The following DIAPH2 variants were observed in gnomAD, a reference collection of about 807,000 sequenced individuals.
DIAPH2 encodes the protein diaphanous related formin 2.
Under a neutral mutation model 92.7 loss-of-function variants are expected in DIAPH2, and 35 were observed. That is an observed-to-expected ratio of 0.38 (90% CI 0.29 to 0.50). The LOEUF (loss-of-function observed/expected upper bound fraction) is 0.50. Ranked by LOEUF, DIAPH2 falls within the 20% of genes least tolerant of loss-of-function variation. The pLI is 0.94. For missense variants in DIAPH2, 701 were observed against 819.5 expected, an observed-to-expected ratio of 0.86 and a Z score of 1.77; for synonymous variants, 301 against 280.4, an observed-to-expected ratio of 1.07 and a Z score of -0.73.
rs1569426187 is a variant in DIAPH2, at chrX:97,570,110, AT to A, written c.3242-29142del. On this transcript the variant is annotated intron_variant, in intron 26 of 26. Transcript: ENST00000324765. ...TATATATATATATATATATATATAT[AT>A]ATATATATATATTAGAAGATAGATA... Among the ~76,000 whole-genome samples, 210 of 32,691 alleles carry A rather than the reference AT, an allele frequency of 6.4e-3. 4 individuals are homozygous for A. Among genetic ancestry groups the A allele is most frequent in the African/African-American group, 0.018 (198 of 10,773 alleles). 28.4% of individuals were successfully genotyped at this position (32,691 alleles called of 115,157 possible). A position where few individuals can be genotyped will look rare whatever the true frequency, so the allele number is the denominator to read the frequency against.
intron 26 of DIAPH2, among the ~76,000 whole-genome samples, chrX:97,587,727 A>T (rs2071488399): frequency 8.9e-6 from 1 of 112,136 alleles, no homozygotes; most frequent in Non-Finnish European, 1.9e-5. Context: ...GTGTAATATG[A>T]TCGTGATGCT....
At chrX:97,157,678 C>G (rs1602381211) in intron 22 of DIAPH2, among the ~76,000 whole-genome samples, 2 of 111,469 alleles carry the variant, frequency 1.8e-5, no homozygotes, top group Middle Eastern at 9.2e-3. Context: ...ACCTTGAATT[C>G]TTTCTTGCGC....
At chrX:97,111,865 T>A (rs762453382) in intron 20 of DIAPH2, among the ~76,000 whole-genome samples, 1 of 112,351 alleles carries the variant, frequency 8.9e-6, no homozygotes, top group Non-Finnish European at 1.9e-5. Flanking sequence ...TTACTATTTG[T>A]TTCACTTTTC....
chrX:96,945,443 A>G (rs2065732354), intron 13 of DIAPH2, 84 bp from the exon 14 acceptor site: 6 of 620,228 alleles, frequency 9.7e-6, no homozygotes, highest in Admixed American at 3.7e-5. Flanking sequence ...GATAGTCTGC[A>G]TTGCAGAGTT....
At chrX:97,439,701 C>T (rs1365026265) in intron 26 of DIAPH2, among the ~76,000 whole-genome samples, 5 of 99,789 alleles carry the variant, frequency 5.0e-5, no homozygotes, top group East Asian at 3.2e-4. Context: ...GAGCTGTGAT[C>T]GTGCCACTGC....
At chrX:96,906,277 C>G (rs2065433628) in intron 5 of DIAPH2, among the ~76,000 whole-genome samples, 1 of 112,458 alleles carries the variant, frequency 8.9e-6, no homozygotes, top group Admixed American at 9.4e-5. Flanking sequence ...TATTTTTAAA[C>G]AAGTCAATAG....
chrX:96,695,626 A>C (rs188907439), intron 1 of DIAPH2, among the ~76,000 whole-genome samples: 2 of 111,929 alleles, frequency 1.8e-5, no homozygotes, highest in South Asian at 7.5e-4. Context: ...CATTCTTCCT[A>C]TGGGTTCTGT....
At chrX:97,129,146 C>CTTTTCTTTTCTTTTCTTTTCT (rs113199689) in intron 21 of DIAPH2, among the ~76,000 whole-genome samples, 5 of 36,557 alleles carry the variant, frequency 1.4e-4, no homozygotes, top group African/African-American at 5.0e-4. Flanking sequence ...CTTTTCTTTT[C>CTTTTCTTTTCTTTTCTTTTCT]TTTCTTTTCT....
At chrX:97,549,289 A>G (rs2071203012) in intron 26 of DIAPH2, among the ~76,000 whole-genome samples, 1 of 111,555 alleles carries the variant, frequency 9.0e-6, no homozygotes, top group African/African-American at 3.3e-5. Flanking sequence ...TAAATTTGGG[A>G]GTAATCTAAC....
chrX:97,363,255 T>C (rs1170044613), intron 24 of DIAPH2, among the ~76,000 whole-genome samples: 1 of 112,199 alleles, frequency 8.9e-6, no homozygotes, highest in Non-Finnish European at 1.9e-5. Flanking sequence ...ATCTGTCCTT[T>C]TCCTAATGCC....
chrX:96,991,059 A>G (rs2066066236), intron 17 of DIAPH2, among the ~76,000 whole-genome samples: 1 of 111,134 alleles, frequency 9.0e-6, no homozygotes, highest in Admixed American at 9.6e-5. Context: ...ATTGTCTTAC[A>G]TGCATCAACT....
At chrX:96,806,646 C>CAAAAAAAAAAA (rs1234663626) in intron 4 of DIAPH2, among the ~76,000 whole-genome samples, 1,866 of 34,262 alleles carry the variant, frequency 0.054, 102 homozygotes, top group East Asian at 0.18. Flanking sequence ...AACTCCATCT[C>CAAAAAAAAAAA]AAAAAAAAAA....
At chrX:96,908,367 C>T (rs2065446903) in intron 5 of DIAPH2, among the ~76,000 whole-genome samples, 1 of 110,525 alleles carries the variant, frequency 9.0e-6, no homozygotes, top group Non-Finnish European at 1.9e-5. Flanking sequence ...TGTTCTATGT[C>T]CCTCATAAAT....
At chrX:97,087,888 C>G (rs2066794705) in intron 19 of DIAPH2, among the ~76,000 whole-genome samples, 1 of 110,102 alleles carries the variant, frequency 9.1e-6, no homozygotes, top group South Asian at 3.8e-4. Flanking sequence ...TTTTTTCATC[C>G]CCTCTCTCTT....
intron 5 of DIAPH2, chrX:96,884,383 C>G: frequency 8.3e-7 from 1 of 1,210,582 alleles, no homozygotes; most frequent in Non-Finnish European, 1.1e-6. Context: ...CAGTGACCAA[C>G]TGTGTGAGAG....
rs185762826 is a variant in DIAPH2 at position 96,874,126 on chromosome X, G to C, written c.448-7453G>C. Among the ~76,000 whole-genome samples, 675 of 111,595 alleles carry C rather than the reference G, an allele frequency of 6.0e-3. 11 individuals carry two copies. The highest frequency in any genetic ancestry group is 0.021 in the African/African-American group (642 of 30,765). Reference sequence around the variant, plus strand: ...GGGGCTGCTAATACCACTGTAATCTGTTTCCTATATTCATAGTTGAAAGAA... The same window carrying C: ...GGGGCTGCTAATACCACTGTAATCTCTTTCCTATATTCATAGTTGAAAGAA... On this transcript the variant is annotated intron_variant, in intron 4 of 26. Transcript: ENST00000324765.
intron 17 of DIAPH2, among the ~76,000 whole-genome samples, chrX:97,010,440 A>G (rs1157919870): frequency 1.8e-5 from 2 of 111,453 alleles, no homozygotes; most frequent in African/African-American, 3.3e-5. Flanking sequence ...ACCAGGTACT[A>G]TGATAGCTTA....
chrX:97,481,909 C>A (rs1373673054), intron 26 of DIAPH2, among the ~76,000 whole-genome samples: 1 of 112,029 alleles, frequency 8.9e-6, no homozygotes, highest in African/African-American at 3.2e-5. Context: ...TATTCTAAGA[C>A]TCTGGTACAG....
At chrX:97,243,887 C>A (rs2068118809) in intron 22 of DIAPH2, among the ~76,000 whole-genome samples, 1 of 111,676 alleles carries the variant, frequency 9.0e-6, no homozygotes, top group Non-Finnish European at 1.9e-5. Context: ...ACCAAAACTT[C>A]TTGAAATGTA....
Sources: allele counts gnomAD v4.1 joint callset (sites outside exome capture counted in the v4.1 genomes callset), GRCh38; gene constraint gnomAD v4.1.1; transcripts MANE v1.5; gene names NCBI Gene and HGNC (gene_info 2026-07-23, HGNC 2026-07-21).